APCDD1: variants seen among roughly 807,000 people sequenced by gnomAD.
APCDD1 encodes APC down-regulated 1.
In APCDD1, 15 loss-of-function variants were observed where a neutral mutation model predicts 38.1. The ratio of observed to expected loss-of-function variants is 0.39; its 90% CI spans 0.26 to 0.61. APCDD1 has a LOEUF of 0.61. APCDD1 is among the 20% of genes least tolerant of loss of function. The pLI is 0.49. For synonymous variants in APCDD1, 261 were observed against 279.7 expected, an observed-to-expected ratio of 0.93 and a Z score of 0.67; for missense variants, 647 against 696.2, an observed-to-expected ratio of 0.93 and a Z score of 0.79.
At position 10,469,143 on chromosome 18, in the gene APCDD1, G is replaced by T. The variant is rs949349043; in HGVS notation, c.242+491G>T. On this transcript the variant is annotated intron_variant, in intron 2 of 4. Transcript: ENST00000355285. The surrounding 1 kb of genome is among the most constrained non-coding windows in gnomAD (Gnocchi z 5.5). ...ATTCTTTTCCATGCTATGAAGCTGA[G>T]ATTTATCCCAGTTTGAGCTCTGGCT... Among the ~76,000 whole-genome samples, 6 of 152,206 alleles carry T rather than the reference G, an allele frequency of 3.9e-5. No individual in the cohort carries two copies. The highest frequency in any genetic ancestry group is 1.4e-4 in the African/African-American group (6 of 41,470).
intron 3 of APCDD1, among the ~76,000 whole-genome samples, chr18:10,484,173 AG>A (rs1162532030): frequency 6.6e-6 from 1 of 152,256 alleles, no homozygotes; most frequent in Non-Finnish European, 1.5e-5. Context: ...CTGAGAAAGC[AG>A]GAAGCAGATG....
Position 10,454,720 on chromosome 18 carries a change from G to A in APCDD1, c.-262G>A. 2 of 982,858 alleles carry A rather than the reference G, an allele frequency of 2.0e-6. No homozygotes were observed. Among genetic ancestry groups the A allele is most frequent in the Non-Finnish European group, 2.4e-6 (2 of 829,378 alleles). 60.9% of individuals were successfully genotyped at this position (982,858 alleles called of 1,614,324 possible). On this transcript the variant is annotated 5_prime_UTR_variant, in exon 1 of 5. Transcript: ENST00000355285. ...GCGGCCGGGGCGGGACGCGGGGCCG[G>A]GCGCGGAGAAGTCGGGGCGGGCGGC...
chr18:10,478,329 G>A (rs890655130), intron 3 of APCDD1, among the ~76,000 whole-genome samples: 1 of 152,240 alleles, frequency 6.6e-6, no homozygotes, highest in African/African-American at 2.4e-5. Flanking sequence ...CAGCTGCACG[G>A]GGTCTGTACA....
chr18:10,454,764 A>G lies in APCDD1; in HGVS notation c.-218A>G, dbSNP rs1425721642. Reference sequence around the variant, plus strand: ...GGGCGGCAGAGAGGCCGGGACGCGGACCGGGCCGGGGCGCCCACAGCCGCC... The same window carrying G: ...GGGCGGCAGAGAGGCCGGGACGCGGGCCGGGCCGGGGCGCCCACAGCCGCC... On this transcript the variant is annotated 5_prime_UTR_variant, in exon 1 of 5. Coordinates refer to ENST00000355285, the MANE Select transcript of APCDD1 (RefSeq NM_153000.5). 8.2e-6 allele frequency: 8 copies of G among 979,904 alleles called. No individual in the cohort carries two copies. The highest frequency in any genetic ancestry group is 9.7e-6 in the Non-Finnish European group (8 of 827,942). The allele number at this position is 979,904 out of a possible 1,614,324, so 60.7% of individuals were successfully genotyped here.
At position 10,475,797 on chromosome 18, in the gene APCDD1, G is replaced by A. The variant is rs111763945; in HGVS notation, c.774+3736G>A. Reference sequence around the variant, plus strand: ...AGCTGCCTCGCAAGATGGCTGAGGGGGGGGGGGGTCAGTGGAAGGCCGAGT... The same window carrying A: ...AGCTGCCTCGCAAGATGGCTGAGGGAGGGGGGGGTCAGTGGAAGGCCGAGT... On this transcript the variant is annotated intron_variant, in intron 3 of 4. Transcript: ENST00000355285. The surrounding 1 kb of genome is among the most constrained non-coding windows in gnomAD (Gnocchi z 4.0). The A allele has an allele frequency of 4.5e-4, 68 of 151,302 alleles. 4 individuals carry two copies. Among genetic ancestry groups the A allele is most frequent in the South Asian group, 2.7e-3 (13 of 4,746 alleles). 9.4% of individuals were successfully genotyped at this position (151,302 alleles called of 1,614,324 possible).
At chr18:10,459,964 A>G (rs1420783919) in intron 1 of APCDD1, among the ~76,000 whole-genome samples, 1 of 152,194 alleles carries the variant, frequency 6.6e-6, no homozygotes, top group African/African-American at 2.4e-5. Context: ...GCTCTCCATA[A>G]TGGTTGATAT....
At chr18:10,481,391 TC>T (rs1568007288) in intron 3 of APCDD1, among the ~76,000 whole-genome samples, 1 of 152,060 alleles carries the variant, frequency 6.6e-6, no homozygotes, top group East Asian at 1.9e-4. Flanking sequence ...TTTTACAACA[TC>T]GATAAAACTT....
chr18:10,478,327 CG>C (rs2031055122), intron 3 of APCDD1, among the ~76,000 whole-genome samples: 1 of 152,226 alleles, frequency 6.6e-6, no homozygotes, highest in Admixed American at 6.5e-5. Context: ...CGCAGCTGCA[CG>C]GGGTCTGTAC....
Position 10,471,660 on chromosome 18 carries a change from C to T in APCDD1, c.373C>T (p.Arg125Trp), listed in dbSNP as rs916340314. The change falls in exon 3 of 5, where the codon CGG (arginine) becomes TGG (tryptophan). Residue 125 changes from arginine (R) to tryptophan (W), a missense_variant. Coordinates refer to ENST00000355285, the MANE Select transcript of APCDD1 (RefSeq NM_153000.5). This position sits in a 1 kb window ranked among gnomAD's most constrained non-coding sequence, Gnocchi z 5.5. ...CTNPTYTLII[R>W]GKIRLRQASW... ...AAATCCCACTTATACTCTCATCATC[C>T]GGGGCAAGATCCGCCTCCGCCAGGC... 11 of 1,614,040 alleles carry T rather than the reference C, an allele frequency of 6.8e-6. No homozygotes were observed. In the Admixed American group the frequency reaches 8.3e-5, roughly 12 times the overall value.
rs1430544397 is a variant in APCDD1, at chr18:10,454,853, C to T, written c.-129C>T. On this transcript the variant is annotated 5_prime_UTR_variant, in exon 1 of 5. Coordinates refer to ENST00000355285, the MANE Select transcript of APCDD1 (RefSeq NM_153000.5). Reference sequence around the variant, plus strand: ...CCTAGCCCGCCGGGCATGGGGCGCGCGGCAGCCGCCTGAAGCCCCGGCCTG... The same window carrying T: ...CCTAGCCCGCCGGGCATGGGGCGCGTGGCAGCCGCCTGAAGCCCCGGCCTG... 8 of 1,074,648 alleles carry T rather than the reference C, an allele frequency of 7.4e-6. No individual in the cohort carries two copies. The highest frequency in any genetic ancestry group is 7.9e-6 in the Non-Finnish European group (7 of 887,528). The allele number at this position is 1,074,648 out of a possible 1,614,324, so 66.6% of individuals were successfully genotyped here.
intron 3 of APCDD1, chr18:10,477,155 T>C (rs1253111567): frequency 6.6e-6 from 1 of 152,192 alleles, no homozygotes; most frequent in African/African-American, 2.4e-5. Flanking sequence ...TTCTTTCTGC[T>C]AGTGTGGATT....
At chr18:10,462,197 C>T (rs1341692786) in intron 1 of APCDD1, among the ~76,000 whole-genome samples, 1 of 152,084 alleles carries the variant, frequency 6.6e-6, no homozygotes, top group Admixed American at 6.5e-5. Context: ...ATATAATAAG[C>T]ACATTTATTA....
At chr18:10,473,797 A>G (rs1001578032) in intron 3 of APCDD1, among the ~76,000 whole-genome samples, 2 of 152,086 alleles carry the variant, frequency 1.3e-5, no homozygotes, top group African/African-American at 2.4e-5. Flanking sequence ...GGCACTGGAC[A>G]CTGTAGCTGC....
rs931235314 is a variant in APCDD1, at chr18:10,469,096, C to G, written c.242+444C>G. Among the ~76,000 whole-genome samples the G allele has an allele frequency of 5.9e-5, 9 of 152,238 alleles. No individual in the cohort carries two copies. The highest frequency in any genetic ancestry group is 1.3e-4 in the Non-Finnish European group (9 of 68,040). On this transcript the variant is annotated intron_variant, in intron 2 of 4. Transcript: ENST00000355285. This position sits in a 1 kb window ranked among gnomAD's most constrained non-coding sequence, Gnocchi z 5.5. ...AAGAGTAAGTTAAAAGCTACCTCTA[C>G]TAGCCAGGGTGCAGTTCTTGGATTC...
intron 1 of APCDD1, among the ~76,000 whole-genome samples, chr18:10,459,487 A>G (rs1221509312): frequency 1.3e-5 from 2 of 152,246 alleles, no homozygotes; most frequent in Non-Finnish European, 2.9e-5. Flanking sequence ...GTTTTCAACT[A>G]AAGTCAAGTG....
At chr18:10,483,885 G>A (rs926874719) in intron 3 of APCDD1, among the ~76,000 whole-genome samples, 2 of 152,230 alleles carry the variant, frequency 1.3e-5, no homozygotes, top group Non-Finnish European at 2.9e-5. Flanking sequence ...CCCCCTGGGT[G>A]GAAGGAGAAT....
rs1464756714 is a variant in APCDD1, at chr18:10,472,450, C to G, written c.774+389C>G. 2.0e-5 allele frequency among the ~76,000 whole-genome samples: 3 copies of G among 152,178 alleles called. No individual in the cohort carries two copies. Among genetic ancestry groups the G allele is most frequent in the Non-Finnish European group, 4.4e-5 (3 of 68,028 alleles). ...AACCACACCTGGAAAAGATACTAAA[C>G]AATAGCAGCTACCCAGGCCCTGGAG... On this transcript the variant is annotated intron_variant, in intron 3 of 4. Coordinates refer to ENST00000355285, the MANE Select transcript of APCDD1 (RefSeq NM_153000.5). This position sits in a 1 kb window ranked among gnomAD's most constrained non-coding sequence, Gnocchi z 6.6.
chr18:10,455,082 G>GCAGCCCGGGCGCCGCGGAGC, intron 1 of APCDD1, 43 bp downstream of exon 1: 1 of 1,545,720 alleles, frequency 6.5e-7, no homozygotes, highest in Non-Finnish European at 8.7e-7. Context: ...GCCGGCGGAG[G>GCAGCCCGGGCGCCGCGGAGC]CAGCCCGGGC....
intron 3 of APCDD1, among the ~76,000 whole-genome samples, chr18:10,481,705 T>A (rs1291020957): frequency 3.3e-5 from 5 of 150,510 alleles, no homozygotes; most frequent in African/African-American, 1.2e-4. Flanking sequence ...GCATCTAGTT[T>A]AGGGATTTGG....
Sources: allele counts gnomAD v4.1 joint callset (sites outside exome capture counted in the v4.1 genomes callset), GRCh38; gene constraint gnomAD v4.1.1; non-coding constraint Gnocchi (gnomAD v3.1); transcripts MANE v1.5; gene names NCBI Gene and HGNC (gene_info 2026-07-23, HGNC 2026-07-21).